Variants in IL23R observed in about 807,000 individuals in gnomAD.
IL23R encodes interleukin 23 receptor.
A neutral mutation model predicts 56.9 loss-of-function variants in IL23R; 34 were observed. The ratio of observed to expected loss-of-function variants is 0.60; its 90% CI spans 0.45 to 0.80. IL23R has a LOEUF of 0.80. IL23R is among the 30% of genes least tolerant of loss of function. The pLI, the probability that IL23R is intolerant of heterozygous loss-of-function variation, is 0.00. For missense variants in IL23R, 635 were observed against 730.0 expected (o/e 0.87, Z 1.50); for synonymous variants, 230 against 249.2 (o/e 0.92, Z 0.73).
intron 6 of IL23R, among the ~76,000 whole-genome samples, chr1:67,216,002 G>A (rs1053959052): frequency 6.6e-6 from 1 of 152,094 alleles, no homozygotes; most frequent in African/African-American, 2.4e-5. Flanking sequence ...ACACCTGTAT[G>A]TAGGCTAGAA....
chr1:67,185,697 A>C (rs1166334931), intron 4 of IL23R, among the ~76,000 whole-genome samples: 2 of 152,224 alleles, frequency 1.3e-5, no homozygotes. Context: ...TAGAAACTAG[A>C]CAGATTTTAT....
chr1:67,169,768 T>C (rs950869254), intron 3 of IL23R, 130 bp downstream of exon 3: 5 of 892,924 alleles, frequency 5.6e-6, no homozygotes, highest in African/African-American at 1.7e-5. Context: ...ATACAGGAGC[T>C]GCAAACTCAA....
At chr1:67,145,873 A>G (rs1419560443) in intron 1 of IL23R, among the ~76,000 whole-genome samples, 2 of 152,214 alleles carry the variant, frequency 1.3e-5, no homozygotes, top group Non-Finnish European at 2.9e-5. Context: ...GGTTGGTTTC[A>G]ATCAATAGAA....
chr1:67,168,051 A>G, intron 1 of IL23R, 41 bp from the exon 2 acceptor site: 1 of 1,111,842 alleles, frequency 9.0e-7, no homozygotes, highest in Non-Finnish European at 1.4e-6. Context: ...TTATTTTACT[A>G]AAATACTACA....
chr1:67,218,189 A>C (rs931412936), intron 6 of IL23R, among the ~76,000 whole-genome samples: 1 of 151,886 alleles, frequency 6.6e-6, no homozygotes, highest in African/African-American at 2.4e-5. Context: ...TTTTGTGTTT[A>C]TCCCTCAGCT....
At chr1:67,175,562 C>G (rs1407174399) in intron 3 of IL23R, among the ~76,000 whole-genome samples, 4 of 152,180 alleles carry the variant, frequency 2.6e-5, no homozygotes, top group Non-Finnish European at 5.9e-5. Flanking sequence ...CTTCCAGATA[C>G]CTTGTGTAAG....
chr1:67,262,577 G>A (rs1177954310), downstream of IL23R, among the ~76,000 whole-genome samples: 1 of 151,954 alleles, frequency 6.6e-6, no homozygotes, highest in African/African-American at 2.4e-5. Flanking sequence ...TTTCCCTCCC[G>A]TACAACTTGC....
At chr1:67,201,482 C>G (rs2102624561) in intron 5 of IL23R, among the ~76,000 whole-genome samples, 1 of 146,964 alleles carries the variant, frequency 6.8e-6, no homozygotes, top group South Asian at 2.1e-4. Flanking sequence ...AAGCATTGTT[C>G]TAAAGGCTAG....
At chr1:67,226,732 C>A (rs1488440023) in intron 7 of IL23R, among the ~76,000 whole-genome samples, 1 of 152,176 alleles carries the variant, frequency 6.6e-6, no homozygotes, top group Non-Finnish European at 1.5e-5. Context: ...GAACCACCCT[C>A]ATTTATTCAG....
chr1:67,148,958 G>T lies in IL23R; in HGVS notation c.-634+9797G>T, dbSNP rs368455489. Among the ~76,000 whole-genome samples, 288 of 152,268 alleles carry T rather than the reference G, an allele frequency of 1.9e-3. 4 individuals carry two copies. The Middle Eastern group carries it at 0.024, about 13-fold the overall frequency. ...GAGTACAGCCACTCTAGTCATCACT[G>T]CCTGGCAGGGCTGCCCTAGCCAACC... On this transcript the variant is annotated intron_variant, in intron 1 of 10. Coordinates refer to the IL23R transcript ENST00000637002.
At chr1:67,141,021 T>A (rs552244424) in intron 1 of IL23R, among the ~76,000 whole-genome samples, 1 of 152,282 alleles carries the variant, frequency 6.6e-6, no homozygotes, top group East Asian at 1.9e-4. Flanking sequence ...AAAATTTTTG[T>A]CTAGCCATAG....
Position 67,219,605 on chromosome 1 carries a change from T to C in IL23R, c.830T>C (p.Val277Ala), listed in dbSNP as rs1405024139. Residue 277 changes from valine to alanine, a missense_variant, in exon 7 of 11, where the codon GTG becomes GCG. By Grantham distance (64) the Val-to-Ala change is moderately conservative (BLOSUM62 0). Transcript: ENST00000347310. ...VKEFDTNFTY[V>A]QQSEFYLEPN... Reference sequence around the variant, plus strand: ...GAATTTGACACCAATTTTACATATGTGCAACAGTCAGAATTCTACTTGGAG... The same window carrying C: ...GAATTTGACACCAATTTTACATATGCGCAACAGTCAGAATTCTACTTGGAG... The C allele has an allele frequency of 3.1e-6, 5 of 1,614,020 alleles. No individual in the cohort carries two copies. Among genetic ancestry groups the C allele is most frequent in the Non-Finnish European group, 4.2e-6 (5 of 1,179,904 alleles).
At chr1:67,169,892 C>T (rs936340766) in intron 3 of IL23R, among the ~76,000 whole-genome samples, 1 of 152,148 alleles carries the variant, frequency 6.6e-6, no homozygotes, top group Non-Finnish European at 1.5e-5. Context: ...AAGACAGAAA[C>T]ATAAAATTTT....
intron 6 of IL23R, among the ~76,000 whole-genome samples, chr1:67,213,261 G>T (rs1262173809): frequency 6.6e-6 from 1 of 152,138 alleles, no homozygotes; most frequent in Non-Finnish European, 1.5e-5. Flanking sequence ...TGTTTGTTGT[G>T]GGAAAGGGGA....
chr1:67,256,570 A>G (rs75139927), intron 10 of IL23R, among the ~76,000 whole-genome samples: 10 of 152,230 alleles, frequency 6.6e-5, no homozygotes, highest in Non-Finnish European at 1.5e-4. Flanking sequence ...GGGGCTCAAA[A>G]CCCAGTCCAA....
chr1:67,253,452 G>A (rs959725319), intron 9 of IL23R, among the ~76,000 whole-genome samples: 5 of 152,172 alleles, frequency 3.3e-5, no homozygotes, highest in Non-Finnish European at 1.5e-5. Flanking sequence ...TGCCGAATTG[G>A]CACTGAGTTT....
chr1:67,225,258 T>C lies in IL23R; in HGVS notation c.955+5528T>C, dbSNP rs539201575. Among the ~76,000 whole-genome samples, 10 of 152,306 alleles carry C rather than the reference T, an allele frequency of 6.6e-5. No individual in the cohort carries two copies. In the South Asian group the frequency reaches 2.1e-3, roughly 32 times the overall value. On this transcript the variant is annotated intron_variant, in intron 7 of 10. Coordinates refer to ENST00000347310, the MANE Select transcript of IL23R (RefSeq NM_144701.3). ...TACTACTGACTACTGCTACTTTGGC[T>C]TGAATACAAGATGTGGAAGCAGATT...
In IL23R at chr1:67,179,756, A is replaced by T. The variant is rs571382890; in HGVS notation, c.368-3080A>T. 7.9e-5 allele frequency among the ~76,000 whole-genome samples: 12 copies of T among 152,096 alleles called. No homozygotes were observed. The East Asian group carries it at 1.5e-3, about 20-fold the overall frequency. ...TTCCTGCTTTCTCTTGTGGGCATTT[A>T]GTGCTATAAATTTCCCTCTACACAC... On this transcript the variant is annotated intron_variant, in intron 3 of 10. Transcript: ENST00000347310.
chr1:67,195,315 G>A (rs1010979275), intron 4 of IL23R, among the ~76,000 whole-genome samples: 7 of 152,194 alleles, frequency 4.6e-5, no homozygotes, highest in Non-Finnish European at 1.0e-4. Flanking sequence ...TTACAGGTGT[G>A]AGCCACCATG....
Sources: allele counts gnomAD v4.1 joint callset (sites outside exome capture counted in the v4.1 genomes callset), GRCh38; gene constraint gnomAD v4.1.1; transcripts MANE v1.5; gene names NCBI Gene and HGNC (gene_info 2026-07-23, HGNC 2026-07-21).